IQCM: variants seen among roughly 807,000 people sequenced by gnomAD.
The protein encoded by IQCM is IQ motif containing M.
IQCM carries 45 observed loss-of-function variants against 57.6 expected under a neutral mutation model. The ratio of observed to expected loss-of-function variants is 0.78; its 90% CI spans 0.62 to 1.00. The LOEUF (loss-of-function observed/expected upper bound fraction) is 1.00. Among genes scored for constraint, IQCM ranks in the 50% least tolerant of loss-of-function variants. IQCM has a pLI of 0.00. For synonymous variants in IQCM, 148 were observed against 158.9 expected, an observed-to-expected ratio of 0.93 and a Z score of 0.51; for missense variants, 468 against 511.6, an observed-to-expected ratio of 0.91 and a Z score of 0.82.
At chr4:149,680,500 G>T in intron 7 of IQCM, among the ~76,000 whole-genome samples, 1 of 151,220 alleles carries the variant, frequency 6.6e-6, no homozygotes, top group Non-Finnish European at 1.5e-5. Flanking sequence ...AATGTGCAGA[G>T]ACAGGTGCAC....
chr4:149,626,690 T>C (rs1181515139), intron 7 of IQCM, among the ~76,000 whole-genome samples: 1 of 152,134 alleles, frequency 6.6e-6, no homozygotes, highest in Non-Finnish European at 1.5e-5. Context: ...CTGTTACCTT[T>C]GGCTGTGAGG....
At chr4:149,755,774 C>G (rs573080851) in intron 2 of IQCM, among the ~76,000 whole-genome samples, 1 of 152,156 alleles carries the variant, frequency 6.6e-6, no homozygotes, top group South Asian at 2.1e-4. Context: ...TTTCCAGGTG[C>G]ACTTGAAGTT....
At chr4:149,730,574 C>G (rs1766363935) in intron 5 of IQCM, among the ~76,000 whole-genome samples, 1 of 152,184 alleles carries the variant, frequency 6.6e-6, no homozygotes, top group African/African-American at 2.4e-5. Flanking sequence ...ATCACTTTCT[C>G]AGAGATCCAC....
At chr4:149,634,996 T>A (rs182947962) in intron 7 of IQCM, among the ~76,000 whole-genome samples, 8 of 152,288 alleles carry the variant, frequency 5.3e-5, no homozygotes, top group African/African-American at 1.4e-4. Context: ...ATTATCCTAG[T>A]TTTTTTACTT....
At chr4:149,510,170 A>C (rs1238693829) in intron 12 of IQCM, among the ~76,000 whole-genome samples, 2 of 152,146 alleles carry the variant, frequency 1.3e-5, no homozygotes, top group Admixed American at 1.3e-4. Flanking sequence ...TAAATTTTTA[A>C]CAATTTACTG....
intron 9 of IQCM, among the ~76,000 whole-genome samples, chr4:149,571,287 T>C (rs988556976): frequency 1.3e-5 from 2 of 152,054 alleles, no homozygotes; most frequent in Non-Finnish European, 2.9e-5. Flanking sequence ...GCAGTATATA[T>C]ACACAATGGA....
chr4:149,654,873 C>T (rs541720756), intron 7 of IQCM, among the ~76,000 whole-genome samples: 5 of 152,138 alleles, frequency 3.3e-5, no homozygotes, highest in African/African-American at 1.2e-4. Flanking sequence ...AAAAAGTATG[C>T]AAAACATATA....
chr4:149,569,654 T>A (rs1383683173), intron 9 of IQCM, among the ~76,000 whole-genome samples: 2 of 152,162 alleles, frequency 1.3e-5, no homozygotes, highest in African/African-American at 4.8e-5. Context: ...GAACAATGCA[T>A]TTTCTTAACA....
intron 5 of IQCM, among the ~76,000 whole-genome samples, chr4:149,686,704 T>C (rs1762566134): frequency 6.6e-6 from 1 of 151,552 alleles, no homozygotes. Context: ...ATGAACTACA[T>C]ATATCAGAAA....
intron 12 of IQCM, among the ~76,000 whole-genome samples, chr4:149,490,720 C>G (rs948978981): frequency 1.3e-5 from 2 of 152,040 alleles, no homozygotes; most frequent in African/African-American, 4.8e-5. Flanking sequence ...CCATAGTGTA[C>G]CTGGAAAGTG....
At chr4:149,654,490 G>A (rs1759469239) in intron 7 of IQCM, among the ~76,000 whole-genome samples, 1 of 152,114 alleles carries the variant, frequency 6.6e-6, no homozygotes, top group Non-Finnish European at 1.5e-5. Flanking sequence ...GCAAGCTCCT[G>A]CTTCACCTTC....
chr4:149,385,265 G>A (rs535777200), intron 13 of IQCM, among the ~76,000 whole-genome samples: 8 of 152,132 alleles, frequency 5.3e-5, no homozygotes, highest in African/African-American at 1.7e-4. Flanking sequence ...GGGAAGTCAC[G>A]ATGCCTTTCC....
At chr4:149,574,608 A>G (rs1409709056) in intron 9 of IQCM, among the ~76,000 whole-genome samples, 1 of 152,020 alleles carries the variant, frequency 6.6e-6, no homozygotes, top group Non-Finnish European at 1.5e-5. Flanking sequence ...TAAGTTGATT[A>G]GTAAGTTAAT....
chr4:149,444,018 G>T (rs111990954), intron 12 of IQCM, among the ~76,000 whole-genome samples: 2,497 of 150,852 alleles, frequency 0.017, 77 homozygotes, highest in African/African-American at 0.059. Flanking sequence ...TCATTAAAAG[G>T]ATCAAAAATA....
intron 7 of IQCM, among the ~76,000 whole-genome samples, chr4:149,645,598 C>T (rs1424980200): frequency 6.6e-6 from 1 of 152,162 alleles, no homozygotes; most frequent in Non-Finnish European, 1.5e-5. Context: ...TCCAATTTCA[C>T]CTTTTTCTAT....
chr4:149,677,559 G>C (rs1020908709), intron 7 of IQCM, among the ~76,000 whole-genome samples: 3 of 151,908 alleles, frequency 2.0e-5, no homozygotes, highest in Admixed American at 2.0e-4. Flanking sequence ...AGACAGAGAA[G>C]ACAACAATAA....
At chr4:149,421,862 A>G (rs1399158714) in intron 13 of IQCM, among the ~76,000 whole-genome samples, 1 of 152,084 alleles carries the variant, frequency 6.6e-6, no homozygotes, top group Non-Finnish European at 1.5e-5. Context: ...CCCTGCAGGT[A>G]TGCTTATTTA....
chr4:149,594,620 G>C (rs1017500008), intron 8 of IQCM, among the ~76,000 whole-genome samples: 1 of 152,174 alleles, frequency 6.6e-6, no homozygotes, highest in African/African-American at 2.4e-5. Flanking sequence ...TCTACAAACT[G>C]CTTTAAATGT....
chr4:149,574,148 T>A (rs1054491498), intron 9 of IQCM, among the ~76,000 whole-genome samples: 1 of 151,974 alleles, frequency 6.6e-6, no homozygotes, highest in Non-Finnish European at 1.5e-5. Flanking sequence ...GAGAAATGTA[T>A]TGTGACTGTC....
Sources: gnomAD v4.1 joint callset for allele counts (sites outside exome capture counted in the v4.1 genomes callset) on GRCh38, gnomAD v4.1.1 for gene constraint, MANE v1.5 for transcripts, NCBI Gene and HGNC (gene_info 2026-07-23, HGNC 2026-07-21) for gene names.